Variants in SHANK2 observed in about 807,000 individuals in gnomAD.
SHANK2 encodes SH3 and multiple ankyrin repeat domains 2, also known as SH3 and multiple ankyrin repeat domains protein 2.
SHANK2 carries 43 observed loss-of-function variants against 133.7 expected under a neutral mutation model. The ratio of observed to expected loss-of-function variants is 0.32; its 90% CI spans 0.25 to 0.41. The LOEUF (loss-of-function observed/expected upper bound fraction) is 0.41. SHANK2 is among the 10% of genes least tolerant of loss of function. The pLI is 1.00. For missense variants in SHANK2, 1,994 were observed against 2,235.8 expected (o/e 0.89, Z 2.18); for synonymous variants, 1,017 against 952.8 (o/e 1.07, Z -1.24).
At chr11:70,780,210 G>A (rs1947451918) in intron 14 of SHANK2, among the ~76,000 whole-genome samples, 1 of 152,144 alleles carries the variant, frequency 6.6e-6, no homozygotes, top group Non-Finnish European at 1.5e-5. Flanking sequence ...CCTTTCGTAG[G>A]GACAGGGGTT....
At position 70,690,247 on chromosome 11, in the gene SHANK2, T is replaced by A. The variant is rs140129227; in HGVS notation, c.1853+8441A>T. On this transcript the variant is annotated intron_variant, in intron 15 of 25. Transcript: ENST00000601538. ...TTTTAGTGGTATGCTCAAGAAGCCA[T>A]AATTTTTCTCCCACGAGAAAAAAAA... is the stretch of plus-strand genomic sequence containing the variant. Among the ~76,000 whole-genome samples, 98 of 151,894 alleles carry A rather than the reference T, an allele frequency of 6.5e-4. 1 individual carries two copies. Among genetic ancestry groups the A allele is most frequent in the African/African-American group, 2.3e-3 (95 of 41,402 alleles).
At chr11:70,900,204 AT>A (rs1950003712) in intron 10 of SHANK2, among the ~76,000 whole-genome samples, 1 of 152,070 alleles carries the variant, frequency 6.6e-6, no homozygotes, top group Non-Finnish European at 1.5e-5. Context: ...AAATACAAAA[AT>A]TAGCTGGGCG....
intron 1 of SHANK2, among the ~76,000 whole-genome samples, chr11:71,225,071 G>T (rs1954618385): frequency 6.6e-6 from 1 of 152,184 alleles, no homozygotes; most frequent in Non-Finnish European, 1.5e-5. Flanking sequence ...TTTTCTTCTT[G>T]CCTCATACAT....
At chr11:70,476,066 TAAAA>T (rs537108235) in intron 25 of SHANK2, among the ~76,000 whole-genome samples, 1 of 144,138 alleles carries the variant, frequency 6.9e-6, no homozygotes, top group African/African-American at 2.5e-5. Context: ...TACTAAAAAT[TAAAA>T]AAAAAAAAAT....
rs1316447834 is a variant in SHANK2, at chr11:70,470,840, G to C, written c.*2029C>G. 1 of 154,394 alleles carries C rather than the reference G, an allele frequency of 6.5e-6. No individual in the cohort carries two copies. Among genetic ancestry groups the C allele is most frequent in the Non-Finnish European group, 1.4e-5 (1 of 69,552 alleles). The allele number at this position is 154,394 out of a possible 1,614,324, so 9.6% of individuals were successfully genotyped here. ...CTTGGTTCCAACATCAGGGGTGTGTGACTGGAAAAGCGCGTGTGTGTGGTG... is the reference window on the plus strand; with the variant it reads ...CTTGGTTCCAACATCAGGGGTGTGTCACTGGAAAAGCGCGTGTGTGTGGTG... On this transcript the variant is annotated 3_prime_UTR_variant, in exon 26 of 26. Coordinates refer to ENST00000601538, the MANE Select transcript of SHANK2 (RefSeq NM_012309.5).
At chr11:70,834,122 A>T (rs1948770365) in intron 11 of SHANK2, among the ~76,000 whole-genome samples, 1 of 152,280 alleles carries the variant, frequency 6.6e-6, no homozygotes, top group Non-Finnish European at 1.5e-5. Context: ...GTTCTGGGGC[A>T]GGGGATGCCC....
intron 10 of SHANK2, chr11:70,952,708 T>C (rs781902377): frequency 8.6e-5 from 35 of 405,996 alleles, no homozygotes; most frequent in Middle Eastern, 3.7e-4. Context: ...AGGGCAGCAC[T>C]CTGGGGGACG....
At chr11:70,561,083 G>T (rs1169942596) in intron 17 of SHANK2, among the ~76,000 whole-genome samples, 1 of 152,216 alleles carries the variant, frequency 6.6e-6, no homozygotes, top group African/African-American at 2.4e-5. Context: ...GAATCTGCAG[G>T]ATTCTTCCTC....
chr11:71,081,158 C>T (rs1453160900), intron 8 of SHANK2, among the ~76,000 whole-genome samples: 1 of 152,164 alleles, frequency 6.6e-6, no homozygotes, highest in African/African-American at 2.4e-5. Flanking sequence ...AGAGGGACGA[C>T]CCTGTGAAGA....
Position 71,109,960 on chromosome 11 carries a change from G to C in SHANK2, c.573C>G (p.Phe191Leu), listed in dbSNP as rs1555098798. The C allele has an allele frequency of 1.3e-6, 2 of 1,551,500 alleles. No homozygotes were observed. The highest frequency in any genetic ancestry group is 3.9e-5 in the Admixed American group (2 of 51,012). Residue 191 changes from phenylalanine to leucine, a missense_variant, in exon 6 of 26, where the codon TTC (phenylalanine) becomes TTG (leucine). Physicochemically the swap from Phe to Leu is conservative, Grantham distance 22. Coordinates refer to ENST00000601538, the MANE Select transcript of SHANK2 (RefSeq NM_012309.5). ...GCTCACCTCCGGTCTCCGGGTCGTGGAAATTGGGATCCAGGCCTCGGTCCA... is the reference window on the plus strand; with the variant it reads ...GCTCACCTCCGGTCTCCGGGTCGTGCAAATTGGGATCCAGGCCTCGGTCCA... ...KMLDRGLDPN[F>L]HDPETGETPL...
chr11:70,772,639 C>T (rs1947276873), intron 14 of SHANK2, among the ~76,000 whole-genome samples: 1 of 152,070 alleles, frequency 6.6e-6, no homozygotes, highest in Admixed American at 6.6e-5. Context: ...CTCTCTGCAC[C>T]AGGGCAAGAA....
At position 70,535,631 on chromosome 11, in the gene SHANK2, T is replaced by G. The variant is rs1468178131; in HGVS notation, c.2062-32700A>C. On this transcript the variant is annotated intron_variant, in intron 17 of 25. Transcript: ENST00000601538. This position sits in a 1 kb window ranked among gnomAD's most constrained non-coding sequence, Gnocchi z 4.3. ...GTTGCCTCTGTGAGGTCAAGTGTTG[T>G]GCTAGACGCTGGGGAATGAATAACT... 6.6e-6 allele frequency among the ~76,000 whole-genome samples: 1 copy of G among 152,234 alleles called. No individual in the cohort carries two copies.
chr11:70,619,197 T>C (rs1240621422), intron 17 of SHANK2, among the ~76,000 whole-genome samples: 3 of 152,228 alleles, frequency 2.0e-5, no homozygotes, highest in Non-Finnish European at 4.4e-5. Context: ...AATTAATTAC[T>C]ACAAATTTAG....
chr11:71,190,475 G>A (rs1013044564), intron 2 of SHANK2, among the ~76,000 whole-genome samples: 12 of 152,164 alleles, frequency 7.9e-5, no homozygotes, highest in African/African-American at 2.2e-4. Context: ...AGAAAGGGAC[G>A]TCTATACCAC....
At chr11:71,218,564 G>C (rs1340933143) in intron 2 of SHANK2, among the ~76,000 whole-genome samples, 1 of 152,080 alleles carries the variant, frequency 6.6e-6, no homozygotes, top group Non-Finnish European at 1.5e-5. Context: ...GGACCGGGCT[G>C]TTCTATTTTT....
At position 70,698,713 on chromosome 11, in the gene SHANK2, A is replaced by G; in HGVS notation, c.1828T>C (p.Ser610Pro). Residue 610 changes from serine (S) to proline (P), a missense_variant, in exon 15 of 26, where the codon TCC becomes CCC. By Grantham distance (74) the Ser-to-Pro change is moderately conservative. Coordinates refer to ENST00000601538, the MANE Select transcript of SHANK2 (RefSeq NM_012309.5). ...KKLFRHYTVG[S>P]YDSFDTSSDC... ...CTGGAAGTGTCGAAGCTGTCATAGG[A>G]GCCCACGGTGTAGTGCCTGAAAAGC... 1.4e-6 allele frequency: 1 copy of G among 718,642 alleles called. No individual in the cohort carries two copies. The highest frequency in any genetic ancestry group is 2.6e-6 in the Non-Finnish European group (1 of 385,108). The allele number at this position is 718,642 out of a possible 1,614,324, so 44.5% of individuals were successfully genotyped here.
At chr11:71,239,452 T>C (rs1299186296) in intron 1 of SHANK2, among the ~76,000 whole-genome samples, 1 of 152,128 alleles carries the variant, frequency 6.6e-6, no homozygotes, top group African/African-American at 2.4e-5. Context: ...TACTGCACTG[T>C]TAATGGTAAA....
intron 14 of SHANK2, among the ~76,000 whole-genome samples, chr11:70,719,217 C>T (rs1555028322): frequency 6.6e-6 from 1 of 152,174 alleles, no homozygotes; most frequent in Non-Finnish European, 1.5e-5. Context: ...GGAATAGACA[C>T]TTTGTGACGG....
chr11:70,775,327 G>T (rs943454550), intron 14 of SHANK2, among the ~76,000 whole-genome samples: 1 of 152,150 alleles, frequency 6.6e-6, no homozygotes, highest in African/African-American at 2.4e-5. Flanking sequence ...GCATTGGCAC[G>T]TGTTTGTAAT....
Sources: allele counts gnomAD v4.1 joint callset (sites outside exome capture counted in the v4.1 genomes callset), GRCh38; gene constraint gnomAD v4.1.1; non-coding constraint Gnocchi (gnomAD v3.1); transcripts MANE v1.5; gene names NCBI Gene and HGNC (gene_info 2026-07-23, HGNC 2026-07-21).